Variants in CACNG2 observed in about 807,000 individuals in gnomAD.
CACNG2 encodes calcium voltage-gated channel auxiliary subunit gamma 2.
A neutral mutation model predicts 25.9 loss-of-function variants in CACNG2; 3 were observed. That is an observed-to-expected ratio of 0.12 (90% CI 0.05 to 0.30). The LOEUF is 0.30. Among genes scored for constraint, CACNG2 ranks in the 10% least tolerant of loss-of-function variants. The probability of loss-of-function intolerance (pLI) is 1.00; values close to 1 mark genes in which losing one functional copy is unlikely to be tolerated. For missense variants in CACNG2, 341 were observed against 432.5 expected, an observed-to-expected ratio of 0.79 and a Z score of 1.88; for synonymous variants, 167 against 173.3, an observed-to-expected ratio of 0.96 and a Z score of 0.29.
At chr22:36,686,440 T>G (rs532714073) in intron 1 of CACNG2, among the ~76,000 whole-genome samples, 2 of 152,128 alleles carry the variant, frequency 1.3e-5, no homozygotes, top group East Asian at 1.9e-4. Flanking sequence ...GTGGGAGAGA[T>G]AGGGGAGCCC....
intron 1 of CACNG2, among the ~76,000 whole-genome samples, chr22:36,605,475 T>C (rs1935817203): frequency 6.6e-6 from 1 of 152,202 alleles, no homozygotes; most frequent in South Asian, 2.1e-4. Context: ...GAATCCTCAG[T>C]ATCTCCCAAG....
intron 1 of CACNG2, among the ~76,000 whole-genome samples, chr22:36,642,899 A>C (rs889068714): frequency 6.6e-6 from 1 of 152,196 alleles, no homozygotes; most frequent in African/African-American, 2.4e-5. Context: ...CAGATGTGAC[A>C]AGTAAGAAGG....
intron 1 of CACNG2, among the ~76,000 whole-genome samples, chr22:36,590,343 T>C (rs947037433): frequency 6.6e-6 from 1 of 152,144 alleles, no homozygotes; most frequent in Non-Finnish European, 1.5e-5. Context: ...ATTTGACATC[T>C]CCTGGTGGAT....
rs532156419 is a variant in CACNG2, at chr22:36,678,545, G to A, written c.211+23821C>T. Among the ~76,000 whole-genome samples the A allele has an allele frequency of 7.3e-5, 11 of 151,554 alleles. No individual in the cohort carries two copies. The South Asian group carries it at 2.1e-3, about 29-fold the overall frequency. On this transcript the variant is annotated intron_variant, in intron 1 of 3. Coordinates refer to ENST00000300105, the MANE Select transcript of CACNG2 (RefSeq NM_006078.5). ...CAATTCTCAAGCCTTCTCCCCCACA[G>A]TTCTGACCCAATTCTCTCATCATTT...
At chr22:36,594,129 C>G (rs557019917) in intron 1 of CACNG2, among the ~76,000 whole-genome samples, 1 of 152,170 alleles carries the variant, frequency 6.6e-6, no homozygotes, top group Non-Finnish European at 1.5e-5. Flanking sequence ...AATCTGGAAC[C>G]TCTCTCCATC....
intron 1 of CACNG2, among the ~76,000 whole-genome samples, chr22:36,683,814 A>AGTGTGTC (rs1937159560): frequency 6.6e-6 from 1 of 152,122 alleles, no homozygotes; most frequent in Non-Finnish European, 1.5e-5. Context: ...AGTACAAATC[A>AGTGTGTC]GTGTGTCAAC....
In CACNG2 at chr22:36,659,761, C is replaced by T. The variant is rs1378436741; in HGVS notation, c.211+42605G>A. On this transcript the variant is annotated intron_variant, in intron 1 of 3. Transcript: ENST00000300105. ...ATCAGAAAGACCTGTGTTCAAATGC[C>T]AGCCTGTGCCAACTGCTGGAATTTA... 2.0e-5 allele frequency among the ~76,000 whole-genome samples: 3 copies of T among 152,086 alleles called. No individual in the cohort carries two copies. In the East Asian group the frequency reaches 5.8e-4, roughly 29 times the overall value.
At chr22:36,645,664 C>G (rs567186134) in intron 1 of CACNG2, among the ~76,000 whole-genome samples, 1 of 151,686 alleles carries the variant, frequency 6.6e-6, no homozygotes, top group East Asian at 1.9e-4. Context: ...TCTTCCTTGA[C>G]GGCAATGGAT....
intron 1 of CACNG2, among the ~76,000 whole-genome samples, chr22:36,651,251 CAG>C (rs1480646606): frequency 8.3e-5 from 5 of 60,500 alleles, no homozygotes; most frequent in Admixed American, 7.4e-4. Context: ...TTTTTTTTGA[CAG>C]AGTCTTGCTC....
At chr22:36,575,183 T>C (rs1227768445) in intron 2 of CACNG2, among the ~76,000 whole-genome samples, 1 of 152,224 alleles carries the variant, frequency 6.6e-6, no homozygotes, top group East Asian at 1.9e-4. Context: ...ATGTGGACGC[T>C]TTAGAAAATG....
At chr22:36,570,350 C>T (rs766337083) in intron 2 of CACNG2, among the ~76,000 whole-genome samples, 4 of 152,156 alleles carry the variant, frequency 2.6e-5, no homozygotes, top group Admixed American at 6.5e-5. Context: ...ACCAAGGCAG[C>T]GTATGACATG....
intron 1 of CACNG2, among the ~76,000 whole-genome samples, chr22:36,698,787 C>T (rs763014130): frequency 2.6e-5 from 4 of 152,124 alleles, no homozygotes; most frequent in South Asian, 2.1e-4. Flanking sequence ...AGAGAAAACA[C>T]GGAGTCTGCT....
At chr22:36,597,109 G>A (rs927439367) in intron 1 of CACNG2, among the ~76,000 whole-genome samples, 3 of 152,018 alleles carry the variant, frequency 2.0e-5, no homozygotes, top group African/African-American at 7.2e-5. Flanking sequence ...TGCAACCTCC[G>A]CCTCCCAGGT....
intron 2 of CACNG2, among the ~76,000 whole-genome samples, chr22:36,570,536 G>A (rs1022540750): frequency 1.8e-4 from 28 of 152,072 alleles, no homozygotes; most frequent in Non-Finnish European, 3.5e-4. Context: ...GAGGTGGGTG[G>A]ATCACCTGAG....
At position 36,702,564 on chromosome 22, in the gene CACNG2, C is replaced by T; in HGVS notation, c.13G>A (p.Asp5Asn). The change falls in exon 1 of 4, where the codon GAT becomes AAT. Residue 5 changes from aspartate to asparagine, a missense_variant. Physicochemically the swap from Asp to Asn is conservative, Grantham distance 23. Around this residue, in one of 2 missense-constraint regions of CACNG2, gnomAD observed 169 missense variants for 254.4 expected, o/e 0.66. Transcript: ENST00000300105. ...GTTAAAAGCATTTGAACACCTCGATCAAACAGCCCCATAATTCTTCATTAT... is the reference window on the plus strand; with the variant it reads ...GTTAAAAGCATTTGAACACCTCGATTAAACAGCCCCATAATTCTTCATTAT... MGLF[D>N]RGVQMLLTTV... is the part of the protein sequence containing the mutation. The T allele has an allele frequency of 6.2e-7, 1 of 1,613,856 alleles. No homozygotes were observed. Among genetic ancestry groups the T allele is most frequent in the Non-Finnish European group, 8.5e-7 (1 of 1,179,816 alleles).
At chr22:36,682,390 A>G (rs889866147) in intron 1 of CACNG2, among the ~76,000 whole-genome samples, 5 of 152,324 alleles carry the variant, frequency 3.3e-5, no homozygotes, top group East Asian at 1.9e-4. Flanking sequence ...AACCTTTGGT[A>G]TACAGGAGGG....
chr22:36,655,345 T>C (rs1936687246), intron 1 of CACNG2, among the ~76,000 whole-genome samples: 1 of 152,184 alleles, frequency 6.6e-6, no homozygotes, highest in Admixed American at 6.5e-5. Context: ...AAAGCCTCGA[T>C]CAAGCGTCAC....
intron 1 of CACNG2, among the ~76,000 whole-genome samples, chr22:36,679,155 TTCCTTCC>T (rs1937054768): frequency 5.3e-5 from 5 of 94,338 alleles, no homozygotes; most frequent in Admixed American, 2.1e-4. Context: ...CCTTCCTTCC[TTCCTTCC>T]TTCCTTCCTT....
Position 36,587,517 on chromosome 22 carries a change from A to T in CACNG2, c.243T>A (p.Asp81Glu). 1.9e-6 allele frequency: 3 copies of T among 1,613,672 alleles called. No homozygotes were observed. The highest frequency in any genetic ancestry group is 2.5e-6 in the Non-Finnish European group (3 of 1,179,546). Residue 81 changes from aspartate (D) to glutamate (E), a missense_variant, in exon 2 of 4, where the codon GAT becomes GAA. By Grantham distance (45) the Asp-to-Glu change is conservative. Coordinates refer to ENST00000300105, the MANE Select transcript of CACNG2 (RefSeq NM_006078.5). ...GNFKGLCKQI[D>E]HFPEDADYEA... ...CGTAATCTGCATCCTCTGGGAAGTG[A>T]TCAATTTGCTTGCACAGACCTTTGA...
Sources: gnomAD v4.1 joint callset for allele counts (sites outside exome capture counted in the v4.1 genomes callset) on GRCh38, gnomAD v4.1.1 for gene constraint, gnomAD v4.1.1 regional missense constraint, MANE v1.5 for transcripts, NCBI Gene and HGNC (gene_info 2026-07-23, HGNC 2026-07-21) for gene names.